TSNAXIP1: variants seen among roughly 807,000 people sequenced by gnomAD.
TSNAXIP1 encodes the protein translin associated factor X interacting protein 1.
In TSNAXIP1, 89 loss-of-function variants were observed where a neutral mutation model predicts 84.8. The observed-to-expected ratio is 1.05, with a 90% CI of 0.88 to 1.25. The LOEUF is 1.25. TSNAXIP1 is among the 50% of genes most tolerant of loss of function. The pLI is 0.00. For synonymous variants in TSNAXIP1, 347 were observed against 335.2 expected (o/e 1.04, Z -0.39); for missense variants, 874 against 887.6 (o/e 0.98, Z 0.20).
Position 67,826,750 on chromosome 16 carries a change from A to T in TSNAXIP1, c.1460A>T (p.Asp487Val). 6.2e-7 allele frequency: 1 copy of T among 1,614,138 alleles called. No homozygotes were observed. The highest frequency in any genetic ancestry group is 8.5e-7 in the Non-Finnish European group (1 of 1,180,020). Reference sequence around the variant, plus strand: ...CTGGAGCATCGCTTTGGGCCCAGTGATGCCATGGCCTGGGCTTATACTATT... The same window carrying T: ...CTGGAGCATCGCTTTGGGCCCAGTGTTGCCATGGCCTGGGCTTATACTATT... ...NFLEHRFGPS[D>V]AMAWAYTIFE... The change falls in exon 12 of 16, where the codon GAT becomes GTT. Residue 487 changes from aspartate to valine, a missense_variant. Transcript: ENST00000561639.
Position 67,807,115 on chromosome 16 carries a change from G to A in TSNAXIP1, c.-35G>A. On this transcript the variant is annotated 5_prime_UTR_variant, in exon 1 of 16. Transcript: ENST00000561639. ...GCTGTACGCTACCACAGCTTCCCAG[G>A]CCGCGGGTGCTGATTGCCCGCCTGC... 12 of 1,533,078 alleles carry A rather than the reference G, an allele frequency of 7.8e-6. No homozygotes were observed. The highest frequency in any genetic ancestry group is 1.0e-5 in the Non-Finnish European group (12 of 1,145,830). 95.0% of individuals were successfully genotyped at this position (1,533,078 alleles called of 1,614,324 possible). A position where few individuals can be genotyped will look rare whatever the true frequency, so the allele number is the denominator to read the frequency against.
At chr16:67,827,189 T>G in intron 13 of TSNAXIP1, 60 bp from the exon 14 acceptor site, 1 of 1,610,594 alleles carries the variant, frequency 6.2e-7, no homozygotes, top group Non-Finnish European at 8.5e-7. Context: ...TTTTGAGCAC[T>G]AGGGAGAGGC....
chr16:67,826,231 G>A lies in TSNAXIP1; in HGVS notation c.1224G>A (p.Leu408=). The A allele has an allele frequency of 6.2e-7, 1 of 1,600,024 alleles. No homozygotes were observed. Among genetic ancestry groups the A allele is most frequent in the Non-Finnish European group, 8.5e-7 (1 of 1,171,980 alleles). ...KNSDQLVDVL[L]EEIGSGLLRE... is the part of the protein sequence containing the mutation. ...GCGACCAGCTGGTGGACGTGCTCCT[G>A]GAAGAGATTGGTTCGGGGCTGCTGC... Residue 408 remains leucine (L), a synonymous_variant, in exon 10 of 16, where the codon CTG becomes CTA. Coordinates refer to ENST00000561639, the MANE Select transcript of TSNAXIP1 (RefSeq NM_001288990.3).
At chr16:67,815,160 A>G (rs2056434386) in intron 2 of TSNAXIP1, among the ~76,000 whole-genome samples, 1 of 151,982 alleles carries the variant, frequency 6.6e-6, no homozygotes, top group Non-Finnish European at 1.5e-5. Flanking sequence ...TACTAAAAAT[A>G]TAAAAATTAG....
At chr16:67,824,853 C>G (rs912649452) in intron 6 of TSNAXIP1, 74 bp downstream of exon 6, 4 of 1,474,754 alleles carry the variant, frequency 2.7e-6, no homozygotes, top group Non-Finnish European at 3.7e-6. Context: ...GACCCCCTAC[C>G]CTGCTCTGCC....
chr16:67,822,566 A>T (rs919002335), intron 4 of TSNAXIP1, among the ~76,000 whole-genome samples: 4 of 149,058 alleles, frequency 2.7e-5, no homozygotes, highest in Admixed American at 2.0e-4. Flanking sequence ...GGGAGGGAGG[A>T]AGAGAGAGAG....
intron 2 of TSNAXIP1, among the ~76,000 whole-genome samples, chr16:67,818,992 G>A (rs755547242): frequency 6.6e-5 from 10 of 151,848 alleles, no homozygotes; most frequent in Non-Finnish European, 1.2e-4. Context: ...CGTGAGCTGG[G>A]CGCGATGGCT....
Position 67,821,236 on chromosome 16 carries a change from C to G in TSNAXIP1, c.387+11C>G, listed in dbSNP as rs1464239453. On this transcript the variant is annotated intron_variant, in intron 4 of 15. Transcript: ENST00000561639. Reference sequence around the variant, plus strand: ...GAACTAAGGCTGCAGGTCAGAGCCACAGAAGAAACTTGGGGAGGGCGGGGG... The same window carrying G: ...GAACTAAGGCTGCAGGTCAGAGCCAGAGAAGAAACTTGGGGAGGGCGGGGG... 1 of 1,504,272 alleles carries G rather than the reference C, an allele frequency of 6.6e-7. No individual in the cohort carries two copies. Among genetic ancestry groups the G allele is most frequent in the Admixed American group, 1.8e-5 (1 of 56,064 alleles). The allele number at this position is 1,504,272 out of a possible 1,614,324, so 93.2% of individuals were successfully genotyped here. A position where few individuals can be genotyped will look rare whatever the true frequency, so the allele number is the denominator to read the frequency against.
Position 67,816,656 on chromosome 16 carries a change from G to C in TSNAXIP1, c.147+2255G>C, listed in dbSNP as rs569609983. 3.9e-5 allele frequency among the ~76,000 whole-genome samples: 6 copies of C among 152,252 alleles called. No individual in the cohort carries two copies. In the South Asian group the frequency reaches 6.2e-4, roughly 16 times the overall value. ...CTCAGCTGCCACCTTCTGTGGGCCA[G>C]GCTTTTTCATTCTTTCTTTTGCGCG... On this transcript the variant is annotated intron_variant, in intron 2 of 15. Transcript: ENST00000561639.
chr16:67,807,966 G>A (rs1387511419), intron 1 of TSNAXIP1, among the ~76,000 whole-genome samples: 1 of 152,086 alleles, frequency 6.6e-6, no homozygotes, highest in Non-Finnish European at 1.5e-5. Context: ...CATACATACG[G>A]ATTAAAACAA....
At chr16:67,808,203 T>TG (rs2055657218) in intron 1 of TSNAXIP1, among the ~76,000 whole-genome samples, 1 of 147,900 alleles carries the variant, frequency 6.8e-6, no homozygotes, top group African/African-American at 2.5e-5. Flanking sequence ...TCATTCCCAG[T>TG]GGGGGAAAAA....
Position 67,827,575 on chromosome 16 carries a change from G to C in TSNAXIP1, c.1894G>C (p.Glu632Gln). The change falls in exon 15 of 16, where the codon GAA (glutamate) becomes CAA (glutamine). Residue 632 changes from glutamate to glutamine, a missense_variant. Glu to Gln is a conservative substitution (Grantham distance 29, BLOSUM62 2). Coordinates refer to ENST00000561639, the MANE Select transcript of TSNAXIP1 (RefSeq NM_001288990.3). ...GCAGCTAAAGCAGGAGCTTGGCATA[G>C]AACTGTGAGTGACCCTCATCCATAG... ...LQQLKQELGI[E>Q]LHEEVTLPKL... 6.2e-7 allele frequency: 1 copy of C among 1,614,166 alleles called. No individual in the cohort carries two copies. Among genetic ancestry groups the C allele is most frequent in the Non-Finnish European group, 8.5e-7 (1 of 1,180,008 alleles).
chr16:67,814,372 C>T lies in TSNAXIP1; in HGVS notation c.118C>T (p.Arg40Cys), dbSNP rs548824636. 2,758 of 1,536,032 alleles carry T rather than the reference C, an allele frequency of 1.8e-3. 29 individuals carry two copies. Among genetic ancestry groups the T allele is most frequent in the South Asian group, 0.014 (1,205 of 84,062 alleles). ...CACAGAAGACAAGAGCACCCAGAAT[C>T]GCAAGCTTCTTCAGAAACGAAGGAC... ...FLTEDKSTQN[R>C]KLLQKRRTLT... The change falls in exon 2 of 16, where the codon CGC becomes TGC. Residue 40 changes from arginine (R) to cysteine (C), a missense_variant. Physicochemically the swap from Arg to Cys is radical, Grantham distance 180. Transcript: ENST00000561639.
chr16:67,823,379 C>T (rs989621981), intron 4 of TSNAXIP1, among the ~76,000 whole-genome samples: 32 of 151,890 alleles, frequency 2.1e-4, no homozygotes, highest in African/African-American at 7.5e-4. Flanking sequence ...CTCATCTCTA[C>T]TAAAAATACA....
At chr16:67,819,320 T>C (rs1311729164) in intron 2 of TSNAXIP1, among the ~76,000 whole-genome samples, 1 of 149,614 alleles carries the variant, frequency 6.7e-6, no homozygotes, top group Non-Finnish European at 1.5e-5. Context: ...CCCAGCTCAC[T>C]GCAACCTCTG....
intron 4 of TSNAXIP1, among the ~76,000 whole-genome samples, chr16:67,822,692 T>C (rs1199307456): frequency 1.3e-5 from 2 of 152,168 alleles, no homozygotes; most frequent in African/African-American, 4.8e-5. Flanking sequence ...ACTTAGTCAT[T>C]GACTAAAGCA....
chr16:67,822,517 C>T (rs1035577508), intron 4 of TSNAXIP1, among the ~76,000 whole-genome samples: 19 of 151,380 alleles, frequency 1.3e-4, no homozygotes, highest in Non-Finnish European at 2.5e-4. Context: ...CCAGTGGCAA[C>T]AACCCCAAGC....
chr16:67,826,892 C>G lies in TSNAXIP1; in HGVS notation c.1554+48C>G, dbSNP rs754401150. 183 of 1,612,026 alleles carry G rather than the reference C, an allele frequency of 1.1e-4. 3 individuals are homozygous for G. In the South Asian group the frequency reaches 1.4e-3, roughly 12 times the overall value. ...TGGGGAGACTGAGAGGGGTCTTTGT[C>G]CCTAGCATAGACCAGCTTTGCCCCC... is the stretch of plus-strand genomic sequence containing the variant. On this transcript the variant is annotated intron_variant, in intron 12 of 15. Coordinates refer to ENST00000561639, the MANE Select transcript of TSNAXIP1 (RefSeq NM_001288990.3).
intron 7 of TSNAXIP1, 152 bp downstream of exon 7, chr16:67,825,424 G>GT (rs545280614): frequency 1.4e-5 from 17 of 1,224,164 alleles, no homozygotes; most frequent in Middle Eastern, 2.1e-4. Flanking sequence ...GCAGGGCTGT[G>GT]TATCTTCTGA....
Sources: allele counts gnomAD v4.1 joint callset (sites outside exome capture counted in the v4.1 genomes callset), GRCh38; gene constraint gnomAD v4.1.1; transcripts MANE v1.5; gene names NCBI Gene and HGNC (gene_info 2026-07-23, HGNC 2026-07-21).